ALK: variants seen among roughly 807,000 people sequenced by gnomAD.
The protein encoded by ALK is ALK tyrosine kinase receptor.
A neutral mutation model predicts 163.1 loss-of-function variants in ALK; 74 were observed. The observed-to-expected ratio is 0.45, with a 90% confidence interval of 0.38 to 0.55. The LOEUF is 0.55. Ranked by LOEUF, ALK falls within the 20% of genes least tolerant of loss-of-function variation. The pLI, the probability that ALK is intolerant of heterozygous loss-of-function variation, is 0.00. For missense variants in ALK, 2,063 were observed against 2,105.3 expected (o/e 0.98, Z 0.39); for synonymous variants, 960 against 843.2 (o/e 1.14, Z -2.40).
intron 4 of ALK, among the ~76,000 whole-genome samples, chr2:29,527,882 C>T (rs1470238685): frequency 6.6e-6 from 1 of 152,060 alleles, no homozygotes; most frequent in Non-Finnish European, 1.5e-5. Flanking sequence ...TCATGTTCCC[C>T]ATCAGGAAAC....
intron 18 of ALK, among the ~76,000 whole-genome samples, chr2:29,226,039 T>G (rs894383377): frequency 6.6e-6 from 1 of 151,954 alleles, no homozygotes; most frequent in African/African-American, 2.4e-5. Context: ...TCGTGCTTGG[T>G]ACTGGACACT....
chr2:29,763,735 T>A (rs2631948), intron 1 of ALK, among the ~76,000 whole-genome samples: 107,730 of 152,056 alleles, frequency 0.71, 42,230 homozygotes, highest in Non-Finnish European at 0.88. Flanking sequence ...CCACACTTAG[T>A]TATGATTTGT....
intron 3 of ALK, among the ~76,000 whole-genome samples, chr2:29,655,916 T>A (rs1677170810): frequency 6.6e-6 from 1 of 152,306 alleles, no homozygotes; most frequent in East Asian, 1.9e-4. Context: ...AGCTGGAGAC[T>A]GGGTCATAGG....
In ALK at chr2:29,328,303, G is replaced by A. The variant is rs766449625; in HGVS notation, c.1414+47C>T. The A allele has an allele frequency of 2.5e-6, 4 of 1,613,658 alleles. No individual in the cohort carries two copies. The Admixed American group carries it at 6.7e-5, about 27-fold the overall frequency. Reference sequence around the variant, plus strand: ...GGGATAATGGGGACAACGGGGTTATGAGCATGGGCTGGGCTCAGGCAGGGT... The same window carrying A: ...GGGATAATGGGGACAACGGGGTTATAAGCATGGGCTGGGCTCAGGCAGGGT... On this transcript the variant is annotated intron_variant, in intron 6 of 28. Transcript: ENST00000389048.
Position 29,199,487 on chromosome 2 carries a change from T to C in ALK, c.3939-1811A>G, listed in dbSNP as rs191481609. ...GTCTAGTGTGAGGTAAGGACCTAAA[T>C]TGATTTGCTTTTCAAATAACTACTC... On this transcript the variant is annotated intron_variant, in intron 26 of 28. Transcript: ENST00000389048. Among the ~76,000 whole-genome samples, 4 of 152,350 alleles carry C rather than the reference T, an allele frequency of 2.6e-5. No homozygotes were observed. The East Asian group carries it at 5.8e-4, about 22-fold the overall frequency.
chr2:29,577,649 G>A (rs546589703), intron 3 of ALK, among the ~76,000 whole-genome samples: 1 of 152,270 alleles, frequency 6.6e-6, no homozygotes, highest in African/African-American at 2.4e-5. Flanking sequence ...CATCCTTCTA[G>A]CAAGTGCAAC....
In ALK at chr2:29,383,862, G is replaced by T. The variant is rs765503680; in HGVS notation, c.1155-3C>A. On this transcript the variant is annotated splice_polypyrimidine_tract_variant and splice_region_variant and intron_variant, in intron 4 of 28. Transcript: ENST00000389048. ...TTCTTCCCTGGAGCACTGTCCAACT[G>T]GTTGCATTGGAAAACAGAGGAGAAA... is the stretch of plus-strand genomic sequence containing the variant. 1.2e-6 allele frequency: 2 copies of T among 1,613,924 alleles called. No individual in the cohort carries two copies. The highest frequency in any genetic ancestry group is 1.7e-6 in the Non-Finnish European group (2 of 1,179,948).
intron 11 of ALK, among the ~76,000 whole-genome samples, chr2:29,253,883 GATAGA>G (rs1664887507): frequency 6.7e-6 from 1 of 148,302 alleles, no homozygotes; most frequent in African/African-American, 2.6e-5. Context: ...TAGATAGATA[GATAGA>G]TAGATAGGTA....
rs559452787 is a variant in ALK at position 29,605,361 on chromosome 2, G to A, written c.953-73245C>T. On this transcript the variant is annotated intron_variant, in intron 3 of 28. Coordinates refer to ENST00000389048, the MANE Select transcript of ALK (RefSeq NM_004304.5). ...TAACAGGAACCAGTATCGGTCCATG[G>A]CCTTGGGGTTGTGGAGGCCTGTCAT... Among the ~76,000 whole-genome samples the A allele has an allele frequency of 5.3e-5, 8 of 152,308 alleles. No individual in the cohort carries two copies. The South Asian group carries it at 1.0e-3, about 20-fold the overall frequency.
At chr2:29,636,243 G>A (rs568435113) in intron 3 of ALK, among the ~76,000 whole-genome samples, 2 of 151,770 alleles carry the variant, frequency 1.3e-5, no homozygotes, top group East Asian at 1.9e-4. Context: ...CTTGATAAAG[G>A]TACAAAAACA....
intron 3 of ALK, among the ~76,000 whole-genome samples, chr2:29,565,394 G>C (rs1010983998): frequency 6.6e-6 from 1 of 152,216 alleles, no homozygotes; most frequent in Non-Finnish European, 1.5e-5. Context: ...ACCCTGCTTA[G>C]TGTTTAGCAA....
intron 1 of ALK, among the ~76,000 whole-genome samples, chr2:29,796,729 C>G (rs1664319520): frequency 6.6e-6 from 1 of 152,072 alleles, no homozygotes; most frequent in Non-Finnish European, 1.5e-5. Flanking sequence ...CATTTCAAAG[C>G]TCAGAAAGAT....
chr2:29,910,923 A>G (rs1667684127), intron 1 of ALK, among the ~76,000 whole-genome samples: 2 of 152,228 alleles, frequency 1.3e-5, no homozygotes, highest in South Asian at 4.1e-4. Context: ...ATAAGCCCAC[A>G]AAGTCCTGTT....
At position 29,337,894 on chromosome 2, in the gene ALK, C is replaced by T. The variant is rs1185858524; in HGVS notation, c.1283-9413G>A. ...TAGAGAAAATAATACTAGGCTCCAG[C>T]CCCCATCTTCTACTAGCTAGTGGGG... is the stretch of plus-strand genomic sequence containing the variant. On this transcript the variant is annotated intron_variant, in intron 5 of 28. Coordinates refer to ENST00000389048, the MANE Select transcript of ALK (RefSeq NM_004304.5). Among the ~76,000 whole-genome samples, 8 of 152,306 alleles carry T rather than the reference C, an allele frequency of 5.3e-5. No individual in the cohort carries two copies. The East Asian group carries it at 1.5e-3, about 29-fold the overall frequency.
intron 3 of ALK, among the ~76,000 whole-genome samples, chr2:29,630,014 T>C (rs1337552462): frequency 6.6e-6 from 1 of 152,176 alleles, no homozygotes. Flanking sequence ...AGTTTAATAA[T>C]AAATAGGAAG....
intron 1 of ALK, among the ~76,000 whole-genome samples, chr2:29,914,880 A>G (rs1338164538): frequency 3.3e-5 from 5 of 152,244 alleles, no homozygotes; most frequent in Non-Finnish European, 5.9e-5. Flanking sequence ...AGTCAGTATG[A>G]AAGTTTCCAG....
chr2:29,776,425 G>A (rs1369467097), intron 1 of ALK, among the ~76,000 whole-genome samples: 11 of 23,488 alleles, frequency 4.7e-4, no homozygotes, highest in African/African-American at 6.2e-4. Context: ...AGTGGCAGAC[G>A]ATAGTTTGAA....
chr2:29,523,245 A>G (rs548261934), intron 4 of ALK, among the ~76,000 whole-genome samples: 1 of 152,106 alleles, frequency 6.6e-6, no homozygotes, highest in Admixed American at 6.5e-5. Context: ...TCCACCTGAC[A>G]CCCCTTGCCC....
At chr2:29,468,557 A>G (rs1459327729) in intron 4 of ALK, among the ~76,000 whole-genome samples, 1 of 152,108 alleles carries the variant, frequency 6.6e-6, no homozygotes, top group East Asian at 1.9e-4. Context: ...CATGGTTCAG[A>G]ATGAATAGCC....
Sources: gnomAD v4.1 joint callset for allele counts (sites outside exome capture counted in the v4.1 genomes callset) on GRCh38, gnomAD v4.1.1 for gene constraint, MANE v1.5 for transcripts, NCBI Gene and HGNC (gene_info 2026-07-23, HGNC 2026-07-21) for gene names.